WWOX: variants seen among roughly 807,000 people sequenced by gnomAD.
WWOX encodes WW domain-containing oxidoreductase.
In WWOX, 69 loss-of-function variants were observed where a neutral mutation model predicts 46.2. That is an observed-to-expected ratio of 1.49 (90% confidence interval 1.23 to 1.82). The LOEUF (loss-of-function observed/expected upper bound fraction) is 1.82, where lower values mean the gene tolerates loss of function less well. WWOX is among the 40% of genes most tolerant of loss of function. The pLI is 0.00. For synonymous variants in WWOX, 359 were observed against 202.6 expected (o/e 1.77, Z -6.56); for missense variants, 919 against 542.6 (o/e 1.69, Z -6.89).
intron 8 of WWOX, among the ~76,000 whole-genome samples, chr16:78,978,928 T>A (rs2046625806): frequency 6.6e-6 from 1 of 152,118 alleles, no homozygotes; most frequent in South Asian, 2.1e-4. Context: ...TGTTATTTCT[T>A]CAGGTACATT....
chr16:78,888,858 C>T (rs1459709382), intron 8 of WWOX, among the ~76,000 whole-genome samples: 2 of 152,014 alleles, frequency 1.3e-5, no homozygotes, highest in Non-Finnish European at 1.5e-5. Flanking sequence ...TCAAGACTGC[C>T]CAGCAGTATT....
chr16:78,421,682 A>C (rs2151957031), intron 6 of WWOX, among the ~76,000 whole-genome samples: 1 of 152,324 alleles, frequency 6.6e-6, no homozygotes, highest in African/African-American at 2.4e-5. Flanking sequence ...GGTCTGCCCC[A>C]GATGCAGGTA....
At chr16:78,855,302 T>A (rs1186413732) in intron 8 of WWOX, among the ~76,000 whole-genome samples, 2 of 152,222 alleles carry the variant, frequency 1.3e-5, no homozygotes, top group East Asian at 3.9e-4. Context: ...TTCTTGAAAT[T>A]AGCTTACTGA....
At chr16:78,429,613 T>A (rs976489234) in intron 7 of WWOX, among the ~76,000 whole-genome samples, 3 of 152,166 alleles carry the variant, frequency 2.0e-5, no homozygotes, top group Admixed American at 6.5e-5. Context: ...CTTGTCCCTG[T>A]TGTCTATGCC....
intron 8 of WWOX, among the ~76,000 whole-genome samples, chr16:79,167,921 G>A (rs926274712): frequency 2.6e-5 from 4 of 152,044 alleles, no homozygotes; most frequent in Non-Finnish European, 5.9e-5. Flanking sequence ...CAACTTCTCT[G>A]CTTTTGGTCT....
chr16:78,807,423 T>C (rs1338960042), intron 8 of WWOX, among the ~76,000 whole-genome samples: 1 of 152,258 alleles, frequency 6.6e-6, no homozygotes, highest in Non-Finnish European at 1.5e-5. Context: ...TGTTTTATGA[T>C]TGTTTTAAGG....
intron 8 of WWOX, among the ~76,000 whole-genome samples, chr16:79,149,110 T>A (rs1423913581): frequency 6.6e-6 from 1 of 152,200 alleles, no homozygotes; most frequent in African/African-American, 2.4e-5. Flanking sequence ...TTGCTCCTGA[T>A]CTTAGGGAGG....
At chr16:78,100,474 G>C (rs143072363) in intron 1 of WWOX, among the ~76,000 whole-genome samples, 2 of 152,232 alleles carry the variant, frequency 1.3e-5, no homozygotes, top group Non-Finnish European at 2.9e-5. Flanking sequence ...GGCTGGTCTC[G>C]AACTACTGGG....
intron 8 of WWOX, among the ~76,000 whole-genome samples, chr16:78,802,404 G>A (rs2050914439): frequency 6.6e-6 from 1 of 151,940 alleles, no homozygotes; most frequent in Non-Finnish European, 1.5e-5. Flanking sequence ...CAAGATAAAT[G>A]CCGAGGAAGC....
At chr16:78,324,748 T>G (rs1439205603) in intron 5 of WWOX, among the ~76,000 whole-genome samples, 2 of 117,274 alleles carry the variant, frequency 1.7e-5, no homozygotes, top group African/African-American at 3.4e-5. Flanking sequence ...AATTTAGAGA[T>G]AGAAAATAGA....
At chr16:78,623,108 C>A (rs1019152518) in intron 8 of WWOX, among the ~76,000 whole-genome samples, 7 of 151,850 alleles carry the variant, frequency 4.6e-5, no homozygotes, top group Non-Finnish European at 7.4e-5. Flanking sequence ...AGACCGCAGC[C>A]CCACTAGGCA....
chr16:78,691,700 C>G (rs761526477), intron 8 of WWOX, among the ~76,000 whole-genome samples: 1 of 152,038 alleles, frequency 6.6e-6, no homozygotes, highest in Non-Finnish European at 1.5e-5. Flanking sequence ...AGGACAAGAC[C>G]GTGTCTCCAA....
intron 8 of WWOX, among the ~76,000 whole-genome samples, chr16:78,485,627 T>C (rs2084615128): frequency 6.6e-6 from 1 of 152,216 alleles, no homozygotes; most frequent in East Asian, 1.9e-4. Flanking sequence ...CAGCTCTGTG[T>C]TGAAAGAGCA....
chr16:78,943,758 A>T (rs6564626), intron 8 of WWOX, among the ~76,000 whole-genome samples: 1 of 151,706 alleles, frequency 6.6e-6, no homozygotes. Flanking sequence ...GCTTCCTGCA[A>T]CTCCTTCTGG....
At chr16:78,810,803 G>GA (rs200643508) in intron 8 of WWOX, among the ~76,000 whole-genome samples, 2 of 151,704 alleles carry the variant, frequency 1.3e-5, no homozygotes, top group Admixed American at 6.6e-5. Context: ...ATGCAGGGGG[G>GA]AAAAAAAACT....
intron 8 of WWOX, among the ~76,000 whole-genome samples, chr16:78,645,163 A>G (rs540420860): frequency 6.6e-6 from 1 of 152,192 alleles, no homozygotes; most frequent in East Asian, 1.9e-4. Flanking sequence ...GCTCTTTCCT[A>G]TCGAAGGGTT....
chr16:78,431,385 G>T (rs962714456), intron 7 of WWOX, among the ~76,000 whole-genome samples: 3 of 152,090 alleles, frequency 2.0e-5, no homozygotes, highest in African/African-American at 7.2e-5. Flanking sequence ...ATCTAGAAAA[G>T]AGTCTTGGAG....
chr16:78,758,158 T>A (rs909906133), intron 8 of WWOX, among the ~76,000 whole-genome samples: 2 of 152,216 alleles, frequency 1.3e-5, no homozygotes, highest in Non-Finnish European at 2.9e-5. Flanking sequence ...AATGTTCTAT[T>A]TCCATCGTAA....
At chr16:78,291,332 G>A (rs1044974209) in intron 5 of WWOX, among the ~76,000 whole-genome samples, 1 of 152,112 alleles carries the variant, frequency 6.6e-6, no homozygotes, top group Non-Finnish European at 1.5e-5. Flanking sequence ...CAGTGTTGGC[G>A]GCCTTTCAGA....
Sources: gnomAD v4.1 joint callset for allele counts (sites outside exome capture counted in the v4.1 genomes callset) on GRCh38, gnomAD v4.1.1 for gene constraint, MANE v1.5 for transcripts, NCBI Gene and HGNC (gene_info 2026-07-23, HGNC 2026-07-21) for gene names.